The following TRIM29 variants were observed in gnomAD, a reference collection of about 807,000 sequenced individuals.
TRIM29 encodes the protein tripartite motif containing 29, also known as tripartite motif-containing protein 29.
Under a neutral mutation model 57.3 loss-of-function variants are expected in TRIM29, and 52 were observed. The observed-to-expected ratio is 0.91, with a 90% confidence interval of 0.73 to 1.14. The LOEUF is 1.14. TRIM29 is among the 50% of genes most tolerant of loss of function. TRIM29 has a pLI of 0.00. For missense variants in TRIM29, 753 were observed against 774.6 expected (o/e 0.97, Z 0.33); for synonymous variants, 319 against 316.9 (o/e 1.01, Z -0.07).
At chr11:120,119,149 G>A (rs1863365786) in intron 6 of TRIM29, among the ~76,000 whole-genome samples, 3 of 152,222 alleles carry the variant, frequency 2.0e-5, no homozygotes, top group Non-Finnish European at 4.4e-5. Context: ...GTGCAGACAT[G>A]TTCTATAGTC....
rs531562414 is a variant in TRIM29 at position 120,112,473 on chromosome 11, G to C, written c.1708C>G (p.His570Asp). Residue 570 changes from histidine (H) to aspartate (D), a missense_variant, in exon 9 of 9, where the codon CAC becomes GAC. Transcript: ENST00000341846. ...TTGTTGACGTAGAATGGCCGGTAGT[G>C]AGACTGTGGGGGAAACAAGAGTGGT... ...WKSGKQTMLSHYRPFYVNKGN... is the reference protein window; with the variant it reads ...WKSGKQTMLSDYRPFYVNKGN... 105 of 1,613,776 alleles carry C rather than the reference G, an allele frequency of 6.5e-5. 1 individual carries two copies. In the South Asian group the frequency reaches 1.1e-3, roughly 17 times the overall value.
rs769210327 is a variant in TRIM29 at position 120,127,537 on chromosome 11, C to T, written c.933G>A (p.Glu311=). 12 of 1,614,036 alleles carry T rather than the reference C, an allele frequency of 7.4e-6. No homozygotes were observed. Among genetic ancestry groups the T allele is most frequent in the Non-Finnish European group, 9.3e-6 (11 of 1,180,016 alleles). Reference sequence around the variant, plus strand: ...CCCGCACCAGGTCCCGGAAGTTCTGCTCCAGGATGGCCTTCTCATTGGTGG... The same window carrying T: ...CCCGCACCAGGTCCCGGAAGTTCTGTTCCAGGATGGCCTTCTCATTGGTGG... ...SFTTNEKAIL[E]QNFRDLVRDL... is the part of the protein sequence containing the mutation. Residue 311 remains glutamate, a synonymous_variant, in exon 3 of 9, where the codon GAG becomes GAA. Coordinates refer to ENST00000341846, the MANE Select transcript of TRIM29 (RefSeq NM_012101.4).
chr11:120,126,502 C>T (rs1863593143), intron 3 of TRIM29: 1 of 152,774 alleles, frequency 6.5e-6, no homozygotes, highest in Admixed American at 6.5e-5. Context: ...CCTTGGCCTC[C>T]CAAAGTGCTG....
Position 120,115,400 on chromosome 11 carries a change from T to C in TRIM29, c.1642A>G (p.Met548Val). 2 of 1,613,758 alleles carry C rather than the reference T, an allele frequency of 1.2e-6. No homozygotes were observed. Among genetic ancestry groups the C allele is most frequent in the Non-Finnish European group, 1.7e-6 (2 of 1,179,914 alleles). The change falls in exon 8 of 9, where the codon ATG becomes GTG. Residue 548 changes from methionine (M) to valine (V), a missense_variant. Coordinates refer to ENST00000341846, the MANE Select transcript of TRIM29 (RefSeq NM_012101.4). Reference sequence around the variant, plus strand: ...TGGGCCTTGGGGCTTTGGCTCCGCATGAGGGAGGGATAGCCTGGGAAGACA... The same window carrying C: ...TGGGCCTTGGGGCTTTGGCTCCGCACGAGGGAGGGATAGCCTGGGAAGACA... ...SFSLKGYPSL[M>V]RSQSPKAQPQ...
chr11:120,115,260 C>G (rs1863236750), intron 8 of TRIM29, 78 bp downstream of exon 8: 5 of 1,422,364 alleles, frequency 3.5e-6, no homozygotes, highest in Non-Finnish European at 4.9e-6. Flanking sequence ...GGCCCTGGAA[C>G]CGATTGCCTC....
intron 1 of TRIM29, chr11:120,128,747 C>T (rs1591328701): frequency 1.3e-6 from 2 of 1,535,356 alleles, no homozygotes; most frequent in Middle Eastern, 3.3e-4. Context: ...ATATCCTAGC[C>T]ATGTCTTTTT....
Position 120,111,349 on chromosome 11 carries a change from T to C in TRIM29, c.*1065A>G, listed in dbSNP as rs1262466734. ...GCTGGATGTCTCCCTCCCCAACCCC[T>C]GCAAGCTGGCCCATCCTTCCAGAGC... On this transcript the variant is annotated 3_prime_UTR_variant, in exon 9 of 9. Coordinates refer to ENST00000341846, the MANE Select transcript of TRIM29 (RefSeq NM_012101.4). The C allele has an allele frequency of 6.6e-6, 1 of 152,502 alleles. No individual in the cohort carries two copies. The highest frequency in any genetic ancestry group is 1.5e-5 in the Non-Finnish European group (1 of 68,110). 9.4% of individuals were successfully genotyped at this position (152,502 alleles called of 1,614,324 possible). A position where few individuals can be genotyped will look rare whatever the true frequency, so the allele number is the denominator to read the frequency against.
chr11:120,112,607 C>T, intron 8 of TRIM29, 131 bp from the exon 9 acceptor site: 1 of 879,510 alleles, frequency 1.1e-6, no homozygotes, highest in East Asian at 2.7e-5. Flanking sequence ...GCCTTTTTGG[C>T]CTGATCTGCA....
At chr11:120,118,182 C>T (rs1181052686) in intron 7 of TRIM29, 41 bp downstream of exon 7, 1 of 1,563,778 alleles carries the variant, frequency 6.4e-7, no homozygotes, top group Non-Finnish European at 8.8e-7. Flanking sequence ...AGGTGTGAGG[C>T]AGCTGTGGAG....
At chr11:120,127,303 G>A (rs1211593943) in intron 3 of TRIM29, 33 bp downstream of exon 3, 6 of 1,597,898 alleles carry the variant, frequency 3.8e-6, no homozygotes, top group African/African-American at 1.3e-5. Context: ...TTGTGAAATC[G>A]AGGGCTTGAG....
chr11:120,122,924 C>G, intron 5 of TRIM29, 30 bp downstream of exon 5: 1 of 1,600,672 alleles, frequency 6.2e-7, no homozygotes, highest in Non-Finnish European at 8.6e-7. Context: ...AGGAGAGACA[C>G]TAGGTCTGGG....
Position 120,120,572 on chromosome 11 carries a change from C to T in TRIM29, c.1528+1G>A, listed in dbSNP as rs267602725. On this transcript the variant is annotated splice_donor_variant, in intron 6 of 8. Coordinates refer to ENST00000341846, the MANE Select transcript of TRIM29 (RefSeq NM_012101.4). LOFTEE classifies it high-confidence loss of function. ...CACCCTTGAGCTGAGCCACCACCTA[C>T]CTTTGGTGCCATAGAGATTGTTGAA... 1.2e-6 allele frequency: 2 copies of T among 1,612,568 alleles called. No individual in the cohort carries two copies. The highest frequency in any genetic ancestry group is 1.8e-4 in the Middle Eastern group (1 of 5,452).
At chr11:120,133,903 T>A (rs527380478) in intron 1 of TRIM29, among the ~76,000 whole-genome samples, 1 of 152,204 alleles carries the variant, frequency 6.6e-6, no homozygotes, top group Non-Finnish European at 1.5e-5. Context: ...CACACACGCC[T>A]CGTCATGCTG....
At chr11:120,116,985 C>T (rs766255238) in intron 7 of TRIM29, 50 of 439,064 alleles carry the variant, frequency 1.1e-4, no homozygotes, top group East Asian at 2.2e-4. Flanking sequence ...CAGCCCACTG[C>T]GACCCAGTGG....
At chr11:120,128,302 A>C in intron 2 of TRIM29, 98 bp downstream of exon 2, 1 of 964,514 alleles carries the variant, frequency 1.0e-6, no homozygotes, top group South Asian at 1.5e-5. Flanking sequence ...TGGGATGTCT[A>C]CGTGGGCCTG....
rs1863657707 is a variant in TRIM29 at position 120,128,801 on chromosome 11, G to A, written c.805-306C>T. ...TATCTCCTCCACCCAGCAAGAGCAG[G>A]AGGGAAACTCATTTACAGGGTGCTT... On this transcript the variant is annotated intron_variant, in intron 1 of 8. Transcript: ENST00000341846. The A allele has an allele frequency of 2.0e-6, 3 of 1,530,532 alleles. No homozygotes were observed. In the Admixed American group the frequency reaches 5.9e-5, roughly 30 times the overall value. The allele number at this position is 1,530,532 out of a possible 1,614,324, so 94.8% of individuals were successfully genotyped here.
At chr11:120,136,373 T>A (rs142619309) in intron 1 of TRIM29, among the ~76,000 whole-genome samples, 331 of 152,348 alleles carry the variant, frequency 2.2e-3, no homozygotes, top group African/African-American at 7.2e-3. Flanking sequence ...TATTTTGTAA[T>A]AAAGTGTTGG....
intron 7 of TRIM29, 57 bp from the exon 8 acceptor site, chr11:120,115,471 G>T (rs2276160): frequency 0.017 from 25,380 of 1,495,458 alleles, 1,163 homozygotes; most frequent in East Asian, 0.16. Context: ...AGGGGTGCCC[G>T]GGCCCAGAGC....
At chr11:120,123,354 C>T (rs1198840021) in intron 4 of TRIM29, 2 of 579,660 alleles carry the variant, frequency 3.5e-6, no homozygotes, top group East Asian at 3.9e-5. Context: ...GCTATTAATG[C>T]CCATTTCTTA....
Sources: allele counts gnomAD v4.1 joint callset (sites outside exome capture counted in the v4.1 genomes callset), GRCh38; gene constraint gnomAD v4.1.1; transcripts MANE v1.5; gene names NCBI Gene and HGNC (gene_info 2026-07-23, HGNC 2026-07-21).